The following RAD21L1 variants were observed in gnomAD, a reference collection of about 807,000 sequenced individuals.
RAD21L1 encodes RAD21 cohesin complex component like 1.
A neutral mutation model predicts 69.0 loss-of-function variants in RAD21L1; 47 were observed. The observed-to-expected ratio is 0.68, with a 90% CI of 0.54 to 0.87. The LOEUF (loss-of-function observed/expected upper bound fraction) is 0.87. RAD21L1 is among the 40% of genes least tolerant of loss of function. The probability of loss-of-function intolerance (pLI) is 0.00; values close to 1 mark genes in which losing one functional copy is unlikely to be tolerated. For synonymous variants in RAD21L1, 177 were observed against 205.8 expected, an observed-to-expected ratio of 0.86 and a Z score of 1.20; for missense variants, 583 against 647.6, an observed-to-expected ratio of 0.90 and a Z score of 1.08.
rs186913953 is a variant in RAD21L1, at chr20:1,234,224, T to C, written c.475+33T>C. 735 of 917,320 alleles carry C rather than the reference T, an allele frequency of 8.0e-4. 4 individuals are homozygous for C. The African/African-American group carries it at 0.011, about 14-fold the overall frequency. The allele number at this position is 917,320 out of a possible 1,614,324, so 56.8% of individuals were successfully genotyped here. ...TATTTGAGAACTCAAAATTACAAAT[T>C]ATAATCAATTATATTTGTATTTGTG... On this transcript the variant is annotated intron_variant, in intron 5 of 13. Transcript: ENST00000683101.
At chr20:1,236,909 A>T (rs974063855) in intron 5 of RAD21L1, among the ~76,000 whole-genome samples, 1 of 152,214 alleles carries the variant, frequency 6.6e-6, no homozygotes, top group South Asian at 2.1e-4. Context: ...TAGTGTCTTC[A>T]TAAGTCTTAT....
In RAD21L1 at chr20:1,255,099, A is replaced by G. The variant is rs2087909570; in HGVS notation, c.*642A>G. Among the ~76,000 whole-genome samples the G allele has an allele frequency of 1.3e-5, 2 of 152,334 alleles. No homozygotes were observed. The highest frequency in any genetic ancestry group is 4.1e-4 in the South Asian group (2 of 4,826). On this transcript the variant is annotated 3_prime_UTR_variant, in exon 14 of 14. Coordinates refer to ENST00000683101, the MANE Select transcript of RAD21L1 (RefSeq NM_001384355.1). ...CCATGGTTTTTAATCCAATATTTTA[A>G]TTGAAGAGTTACAAAGCTCATCTTT...
intron 5 of RAD21L1, among the ~76,000 whole-genome samples, chr20:1,236,761 C>A (rs944387041): frequency 2.6e-5 from 4 of 152,180 alleles, no homozygotes; most frequent in African/African-American, 9.6e-5. Context: ...AAAACTGCTT[C>A]AAACCTAATG....
At position 1,242,558 on chromosome 20, in the gene RAD21L1, C is replaced by T. The variant is rs1568522897; in HGVS notation, c.857-61C>T. The T allele has an allele frequency of 3.1e-6, 4 of 1,299,108 alleles. No individual in the cohort carries two copies. The East Asian group carries it at 1.0e-4, about 33-fold the overall frequency. 80.5% of individuals were successfully genotyped at this position (1,299,108 alleles called of 1,614,324 possible). ...TAGAAATTTCTTAAGTATTTAGTGCCTACAATATGATTTTAGAAAGCTGTA... is the reference window on the plus strand; with the variant it reads ...TAGAAATTTCTTAAGTATTTAGTGCTTACAATATGATTTTAGAAAGCTGTA... On this transcript the variant is annotated intron_variant, in intron 8 of 13. Coordinates refer to ENST00000683101, the MANE Select transcript of RAD21L1 (RefSeq NM_001384355.1).
chr20:1,231,704 T>C, intron 4 of RAD21L1, 85 bp downstream of exon 4: 1 of 724,404 alleles, frequency 1.4e-6, no homozygotes, highest in Non-Finnish European at 2.3e-6. Context: ...AAATGGAATG[T>C]AGTTAACAAC....
Position 1,242,678 on chromosome 20 carries a change from C to G in RAD21L1, c.916C>G (p.Leu306Val). The G allele has an allele frequency of 6.4e-7, 1 of 1,551,574 alleles. No individual in the cohort carries two copies. Residue 306 changes from leucine to valine, a missense_variant, in exon 9 of 14, where the codon CTC becomes GTC. Physicochemically the swap from Leu to Val is conservative, Grantham distance 32 (BLOSUM62 1). Transcript: ENST00000683101. ...ATTGCTCATAGATCCTATCAAGGAG[C>G]TCAGTAGCAAAGTTATACATAAACA... The part of the protein sequence containing the change: ...RRLLIDPIKE[L>V]SSKVIHKQLT...
At chr20:1,240,270 T>C in intron 7 of RAD21L1, 51 bp from the exon 8 acceptor site, 1 of 1,503,490 alleles carries the variant, frequency 6.7e-7, no homozygotes, top group Non-Finnish European at 8.9e-7. Flanking sequence ...TCCTCTAGCC[T>C]GCATCCTAAC....
intron 3 of RAD21L1, among the ~76,000 whole-genome samples, 165 bp from the exon 4 acceptor site, chr20:1,231,361 T>G (rs1472498733): frequency 3.9e-5 from 6 of 152,214 alleles, no homozygotes; most frequent in Non-Finnish European, 7.3e-5. Flanking sequence ...TTTAAAATAT[T>G]ACTCTGTCTG....
chr20:1,247,754 G>T lies in RAD21L1; in HGVS notation c.1402-872G>T, dbSNP rs543235979. Among the ~76,000 whole-genome samples, 3 of 152,202 alleles carry T rather than the reference G, an allele frequency of 2.0e-5. No homozygotes were observed. The South Asian group carries it at 6.2e-4, about 32-fold the overall frequency. On this transcript the variant is annotated intron_variant, in intron 12 of 13. Transcript: ENST00000683101. ...GAAATTGAAAGCACTTTTAGGAAGT[G>T]TCTGGGCTCCTATACATGAAGGCTA...
At position 1,226,052 on chromosome 20, in the gene RAD21L1, C is replaced by T. The variant is rs1480569538; in HGVS notation, c.-121C>T. On this transcript the variant is annotated 5_prime_UTR_variant, in exon 1 of 14. Coordinates refer to ENST00000683101, the MANE Select transcript of RAD21L1 (RefSeq NM_001384355.1). ...CGCGCCTGCCGCGCATTGCAGACGC[C>T]CAGCGGCGCCAAGAACCCGGCCAAG... is the stretch of plus-strand genomic sequence containing the variant. The T allele has an allele frequency of 3.7e-5, 4 of 108,892 alleles. No homozygotes were observed. Among genetic ancestry groups the T allele is most frequent in the African/African-American group, 1.2e-4 (3 of 24,028 alleles). 6.7% of individuals were successfully genotyped at this position (108,892 alleles called of 1,614,324 possible).
At position 1,254,468 on chromosome 20, in the gene RAD21L1, G is replaced by A; in HGVS notation, c.*11G>A. ...TTTTATAACATATGAAGGAAACCCA[G>A]ACATACAGATTTATGGCATCACTGG... is the stretch of plus-strand genomic sequence containing the variant. On this transcript the variant is annotated 3_prime_UTR_variant, in exon 14 of 14. Coordinates refer to ENST00000683101, the MANE Select transcript of RAD21L1 (RefSeq NM_001384355.1). 2 of 1,473,236 alleles carry A rather than the reference G, an allele frequency of 1.4e-6. No individual in the cohort carries two copies. Among genetic ancestry groups the A allele is most frequent in the Non-Finnish European group, 1.8e-6 (2 of 1,100,738 alleles). The allele number at this position is 1,473,236 out of a possible 1,614,324, so 91.3% of individuals were successfully genotyped here.
At chr20:1,231,186 CT>C (rs546448817) in intron 3 of RAD21L1, among the ~76,000 whole-genome samples, 3 of 152,130 alleles carry the variant, frequency 2.0e-5, no homozygotes, top group Non-Finnish European at 2.9e-5. Flanking sequence ...AAATGCTTGA[CT>C]TTTTCAGGGA....
intron 13 of RAD21L1, among the ~76,000 whole-genome samples, chr20:1,249,517 C>T (rs1023616528): frequency 2.0e-5 from 3 of 152,136 alleles, no homozygotes; most frequent in African/African-American, 7.2e-5. Context: ...TTTCCTTTGT[C>T]TTCTCAAGAT....
intron 12 of RAD21L1, among the ~76,000 whole-genome samples, chr20:1,247,829 A>G (rs756794914): frequency 9.9e-5 from 15 of 152,098 alleles, no homozygotes; most frequent in Non-Finnish European, 1.9e-4. Flanking sequence ...GTTGGGCTGC[A>G]TAGTCAGAAT....
intron 1 of RAD21L1, among the ~76,000 whole-genome samples, chr20:1,227,703 G>T (rs1055857336): frequency 6.6e-6 from 1 of 152,202 alleles, no homozygotes; most frequent in Non-Finnish European, 1.5e-5. Flanking sequence ...TTGTAAAAAT[G>T]TGCATTAATT....
chr20:1,251,622 T>G (rs1048439626), intron 13 of RAD21L1, among the ~76,000 whole-genome samples: 1 of 151,994 alleles, frequency 6.6e-6, no homozygotes, highest in Non-Finnish European at 1.5e-5. Flanking sequence ...TTGGATCTCC[T>G]GAACTACTCC....
chr20:1,237,757 A>G (rs1436835301), intron 5 of RAD21L1, among the ~76,000 whole-genome samples: 3 of 152,208 alleles, frequency 2.0e-5, no homozygotes, highest in Non-Finnish European at 2.9e-5. Flanking sequence ...ATTATTTTCC[A>G]TAGTACTTTT....
rs1600228668 is a variant in RAD21L1, at chr20:1,246,159, T to A, written c.1309-54T>A. 3.4e-6 allele frequency: 3 copies of A among 893,602 alleles called. No homozygotes were observed. In the East Asian group the frequency reaches 8.8e-5, roughly 26 times the overall value. 55.4% of individuals were successfully genotyped at this position (893,602 alleles called of 1,614,324 possible). On this transcript the variant is annotated intron_variant, in intron 11 of 13. Transcript: ENST00000683101. This position sits in a 1 kb window ranked among gnomAD's most constrained non-coding sequence, Gnocchi z 4.6. The stretch of plus-strand genomic sequence containing the variant: ...TAAAGCATTTAATAAAATTAGATTG[T>A]TCCTGTATAACCACTGGCAGATTTA...
chr20:1,248,634 G>A lies in RAD21L1; in HGVS notation c.1410G>A (p.Leu470=), dbSNP rs2122149449. The change falls in exon 13 of 14, where the codon TTG becomes TTA. Residue 470 remains leucine, a synonymous_variant. Coordinates refer to ENST00000683101, the MANE Select transcript of RAD21L1 (RefSeq NM_001384355.1). ...IEYSPVELES[L]SNEENIETER... ...ATCTATCATTCAAACAGGAGTCATTGAGCAATGAAGAAAATATTGAGACAG... is the reference window on the plus strand; with the variant it reads ...ATCTATCATTCAAACAGGAGTCATTAAGCAATGAAGAAAATATTGAGACAG... 6.6e-7 allele frequency: 1 copy of A among 1,523,442 alleles called. No homozygotes were observed. Among genetic ancestry groups the A allele is most frequent in the African/African-American group, 1.4e-5 (1 of 72,284 alleles). 94.4% of individuals were successfully genotyped at this position (1,523,442 alleles called of 1,614,324 possible).
Sources: allele counts gnomAD v4.1 joint callset (sites outside exome capture counted in the v4.1 genomes callset), GRCh38; gene constraint gnomAD v4.1.1; non-coding constraint Gnocchi (gnomAD v3.1); transcripts MANE v1.5; gene names NCBI Gene and HGNC (gene_info 2026-07-23, HGNC 2026-07-21).